Variants in SCAPER observed in about 807,000 individuals in gnomAD.
The protein encoded by SCAPER is S-phase cyclin A associated protein in the ER, also known as S phase cyclin A-associated protein in the endoplasmic reticulum.
A neutral mutation model predicts 182.2 loss-of-function variants in SCAPER; 98 were observed. The ratio of observed to expected loss-of-function variants is 0.54; its 90% confidence interval spans 0.46 to 0.64. SCAPER has a LOEUF of 0.64. Among genes scored for constraint, SCAPER ranks in the 30% least tolerant of loss-of-function variants. The probability of loss-of-function intolerance (pLI) is 0.00; values close to 1 mark genes in which losing one functional copy is unlikely to be tolerated. For missense variants in SCAPER, 1,432 were observed against 1,690.0 expected, an observed-to-expected ratio of 0.85 and a Z score of 2.68; for synonymous variants, 605 against 564.6, an observed-to-expected ratio of 1.07 and a Z score of -1.01.
At chr15:76,372,990 A>AT (rs2042287639) in intron 29 of SCAPER, among the ~76,000 whole-genome samples, 1 of 151,226 alleles carries the variant, frequency 6.6e-6, no homozygotes, top group South Asian at 2.1e-4. Context: ...ATGTGATTCC[A>AT]TTTTTTTCTT....
chr15:76,466,711 T>A (rs1374121612), intron 25 of SCAPER, among the ~76,000 whole-genome samples: 1 of 150,198 alleles, frequency 6.7e-6, no homozygotes, highest in African/African-American at 2.4e-5. Context: ...TTTTGTAGTA[T>A]GGAAAACCCT....
intron 26 of SCAPER, among the ~76,000 whole-genome samples, chr15:76,428,866 C>CTATATATATATATGTATATA (rs1555432007): frequency 1.3e-5 from 1 of 79,954 alleles, no homozygotes; most frequent in African/African-American, 5.5e-5. Flanking sequence ...GATCATTATA[C>CTATATATATATATGTATATA]TATATATATA....
At chr15:76,846,237 T>A (rs558220374) in intron 4 of SCAPER, among the ~76,000 whole-genome samples, 2 of 151,960 alleles carry the variant, frequency 1.3e-5, no homozygotes, top group African/African-American at 2.4e-5. Flanking sequence ...AACTATGAAA[T>A]TGCTACAAGA....
intron 22 of SCAPER, among the ~76,000 whole-genome samples, chr15:76,611,006 T>A (rs1458199447): frequency 6.6e-6 from 1 of 152,164 alleles, no homozygotes; most frequent in Non-Finnish European, 1.5e-5. Context: ...TCACACTTCC[T>A]GACTTTAAAT....
intron 29 of SCAPER, among the ~76,000 whole-genome samples, chr15:76,368,301 G>A (rs572220026): frequency 6.6e-6 from 1 of 152,332 alleles, no homozygotes; most frequent in East Asian, 1.9e-4. Flanking sequence ...AACTCTAAAA[G>A]TTCTAAATGC....
intron 1 of SCAPER, among the ~76,000 whole-genome samples, chr15:76,890,337 T>TA (rs1555655878): frequency 6.6e-6 from 1 of 151,814 alleles, no homozygotes; most frequent in Non-Finnish European, 1.5e-5. Context: ...CTGAAGGAAA[T>TA]AGAGACACAA....
intron 24 of SCAPER, among the ~76,000 whole-genome samples, chr15:76,498,000 A>AT: frequency 9.2e-6 from 1 of 109,156 alleles, no homozygotes. Flanking sequence ...AAAAAAAAAA[A>AT]AAAAAAAAAA....
intron 21 of SCAPER, among the ~76,000 whole-genome samples, chr15:76,641,808 A>G (rs947397099): frequency 6.6e-6 from 1 of 152,196 alleles, no homozygotes; most frequent in African/African-American, 2.4e-5. Flanking sequence ...GGCAAGAAAG[A>G]AGGACAAGGA....
At position 76,378,611 on chromosome 15, in the gene SCAPER, A is replaced by G. The variant is rs189354266; in HGVS notation, c.3706-2300T>C. ...TCTATGTAGACAGATGTGTTGCTTT[A>G]GCTGGTGAAGCCTATGTTTCCCTTC... On this transcript the variant is annotated intron_variant, in intron 28 of 31. Transcript: ENST00000563290. Among the ~76,000 whole-genome samples, 405 of 152,282 alleles carry G rather than the reference A, an allele frequency of 2.7e-3. 3 individuals carry two copies. The highest frequency in any genetic ancestry group is 9.4e-3 in the African/African-American group (389 of 41,524).
At chr15:76,433,407 C>G (rs541556088) in intron 26 of SCAPER, among the ~76,000 whole-genome samples, 2 of 152,084 alleles carry the variant, frequency 1.3e-5, no homozygotes, top group Non-Finnish European at 2.9e-5. Context: ...ACTTGGGAGG[C>G]TGAGGCAGAA....
intron 23 of SCAPER, among the ~76,000 whole-genome samples, chr15:76,545,479 T>C (rs1312280242): frequency 1.3e-5 from 2 of 152,148 alleles, no homozygotes; most frequent in Non-Finnish European, 2.9e-5. Flanking sequence ...CAGACATTTT[T>C]AGACGAGAAA....
At chr15:76,789,050 T>A (rs28473756) in intron 8 of SCAPER, among the ~76,000 whole-genome samples, 228 of 152,316 alleles carry the variant, frequency 1.5e-3, no homozygotes, top group African/African-American at 5.3e-3. Flanking sequence ...CTCTTGTAAT[T>A]GTTTAGTATG....
At chr15:76,626,057 C>T (rs550505908) in intron 21 of SCAPER, among the ~76,000 whole-genome samples, 1 of 152,024 alleles carries the variant, frequency 6.6e-6, no homozygotes, top group Non-Finnish European at 1.5e-5. Context: ...TGTGTTGGGC[C>T]GCATTCAAAG....
At chr15:76,382,353 ATT>A (rs1319528624) in intron 27 of SCAPER, among the ~76,000 whole-genome samples, 1 of 141,840 alleles carries the variant, frequency 7.1e-6, no homozygotes, top group African/African-American at 2.7e-5. Context: ...GGTATTTTTT[ATT>A]TTTTTCTTTT....
chr15:76,447,990 G>C (rs1264393300), intron 25 of SCAPER, among the ~76,000 whole-genome samples: 2 of 152,148 alleles, frequency 1.3e-5, no homozygotes, highest in African/African-American at 4.8e-5. Context: ...GGTGATGTTG[G>C]GTAGTGAAGA....
At chr15:76,642,662 T>C (rs2054193745) in intron 21 of SCAPER, among the ~76,000 whole-genome samples, 1 of 152,182 alleles carries the variant, frequency 6.6e-6, no homozygotes, top group South Asian at 2.1e-4. Context: ...CATTTCCTGA[T>C]GTTATTCCTT....
chr15:76,819,839 C>T (rs2067382435), intron 5 of SCAPER, among the ~76,000 whole-genome samples: 1 of 152,088 alleles, frequency 6.6e-6, no homozygotes, highest in South Asian at 2.1e-4. Flanking sequence ...TTGCAAGCTA[C>T]TCATCTGACA....
chr15:76,736,327 T>C (rs1259441427), intron 15 of SCAPER, among the ~76,000 whole-genome samples: 1 of 152,142 alleles, frequency 6.6e-6, no homozygotes, highest in African/African-American at 2.4e-5. Flanking sequence ...ATCAGGGTGG[T>C]GGTTGCTGAA....
intron 8 of SCAPER, among the ~76,000 whole-genome samples, chr15:76,784,318 C>T (rs889311658): frequency 6.6e-6 from 1 of 152,094 alleles, no homozygotes; most frequent in Non-Finnish European, 1.5e-5. Flanking sequence ...CCTAGGAAAC[C>T]AACTTACAAG....
Sources: allele counts gnomAD v4.1 joint callset (sites outside exome capture counted in the v4.1 genomes callset), GRCh38; gene constraint gnomAD v4.1.1; transcripts MANE v1.5; gene names NCBI Gene and HGNC (gene_info 2026-07-23, HGNC 2026-07-21).